The following TRAK2 variants were observed in gnomAD, a reference collection of about 807,000 sequenced individuals.
The protein encoded by TRAK2 is trafficking kinesin protein 2, also known as trafficking kinesin-binding protein 2.
Under a neutral mutation model 104.6 loss-of-function variants are expected in TRAK2, and 81 were observed. That is an observed-to-expected ratio of 0.77 (90% CI 0.65 to 0.93). The LOEUF (loss-of-function observed/expected upper bound fraction) is 0.93, where lower values mean the gene tolerates loss of function less well. TRAK2 is among the 40% of genes least tolerant of loss of function. The pLI, the probability that TRAK2 is intolerant of heterozygous loss-of-function variation, is 0.00. For synonymous variants in TRAK2, 406 were observed against 394.4 expected (o/e 1.03, Z -0.35); for missense variants, 1,002 against 1,089.0 (o/e 0.92, Z 1.12).
intron 3 of TRAK2, among the ~76,000 whole-genome samples, chr2:201,403,922 T>C (rs879660740): frequency 1.1e-4 from 16 of 152,312 alleles, no homozygotes; most frequent in Non-Finnish European, 1.8e-4. Context: ...CCACAAAGGC[T>C]GGGCCTCTTC....
chr2:201,435,016 A>C (rs1951870931), intron 1 of TRAK2, among the ~76,000 whole-genome samples: 1 of 152,220 alleles, frequency 6.6e-6, no homozygotes, highest in Non-Finnish European at 1.5e-5. Context: ...AAACTCAAAC[A>C]GGTAGACTTC....
intron 10 of TRAK2, 80 bp downstream of exon 10, chr2:201,392,829 T>C: frequency 7.2e-7 from 1 of 1,396,958 alleles, no homozygotes; most frequent in Non-Finnish European, 9.7e-7. Context: ...TTTTATACCA[T>C]CATAAACCAT....
rs144048497 is a variant in TRAK2, at chr2:201,438,605, G to T, written c.-200+12745C>A. Among the ~76,000 whole-genome samples, 138 of 152,294 alleles carry T rather than the reference G, an allele frequency of 9.1e-4. No homozygotes were observed. In the Middle Eastern group the frequency reaches 0.014, roughly 15 times the overall value. On this transcript the variant is annotated intron_variant, in intron 1 of 15. Transcript: ENST00000332624. ...TCTGAGCTTTACTAGCAAGGGACTG[G>T]AGTGTGAGGATAGTAGTGTGTGTGT...
At position 201,389,402 on chromosome 2, in the gene TRAK2, C is replaced by T. The variant is rs140348802; in HGVS notation, c.1295G>A (p.Arg432His). 47 of 1,614,118 alleles carry T rather than the reference C, an allele frequency of 2.9e-5. No individual in the cohort carries two copies. The African/African-American group carries it at 4.1e-4, about 14-fold the overall frequency. Reference protein sequence around the residue: ...PALLPIPGSNRSSVIMTAKPF... With the variant: ...PALLPIPGSNHSSVIMTAKPF... ...TTTTGCTGTCATGATGACACTTGAACGGTTGGAGCCTGGAATGGGTAACAG... is the reference window on the plus strand; with the variant it reads ...TTTTGCTGTCATGATGACACTTGAATGGTTGGAGCCTGGAATGGGTAACAG... Residue 432 changes from arginine to histidine, a missense_variant, in exon 12 of 16, where the codon CGT (arginine) becomes CAT (histidine). By Grantham distance (29) the Arg-to-His change is conservative (BLOSUM62 0). Coordinates refer to ENST00000332624, the MANE Select transcript of TRAK2 (RefSeq NM_015049.3).
intron 2 of TRAK2, chr2:201,412,571 CACTG>C: frequency 7.4e-7 from 1 of 1,358,134 alleles, no homozygotes; most frequent in East Asian, 2.3e-5. Flanking sequence ...GAATATATAT[CACTG>C]ACTGTTTCAC....
At chr2:201,416,153 C>G (rs1951690041) in intron 2 of TRAK2, among the ~76,000 whole-genome samples, 1 of 139,800 alleles carries the variant, frequency 7.2e-6, no homozygotes, top group Non-Finnish European at 1.5e-5. Flanking sequence ...TTTGGGAGGT[C>G]AAGGTGAAAG....
intron 12 of TRAK2, among the ~76,000 whole-genome samples, chr2:201,388,315 C>T (rs570426395): frequency 2.6e-5 from 4 of 151,896 alleles, no homozygotes; most frequent in South Asian, 2.1e-4. Context: ...TAGGTGGTCA[C>T]GAAAGTAAAT....
intron 1 of TRAK2, among the ~76,000 whole-genome samples, chr2:201,432,500 G>T (rs1389473416): frequency 6.6e-6 from 1 of 152,086 alleles, no homozygotes; most frequent in African/African-American, 2.4e-5. Context: ...TGCACATTAA[G>T]AAGAAGAAAA....
intron 2 of TRAK2, chr2:201,411,696 A>G: frequency 1.3e-6 from 1 of 780,224 alleles, no homozygotes; most frequent in South Asian, 1.3e-5. Context: ...AATACCCATG[A>G]GGACTGCAGA....
Position 201,386,113 on chromosome 2 carries a change from T to C in TRAK2, c.1963+105A>G, listed in dbSNP as rs930952274. The C allele has an allele frequency of 3.2e-6, 4 of 1,237,460 alleles. No homozygotes were observed. In the Admixed American group the frequency reaches 6.0e-5, roughly 19 times the overall value. The allele number at this position is 1,237,460 out of a possible 1,614,324, so 76.7% of individuals were successfully genotyped here. A position where few individuals can be genotyped will look rare whatever the true frequency, so the allele number is the denominator to read the frequency against. ...GATTTTCATTATCTGATATGCAAGATTAAGTACCCTCCAGTGAGCAGAGGT... is the reference window on the plus strand; with the variant it reads ...GATTTTCATTATCTGATATGCAAGACTAAGTACCCTCCAGTGAGCAGAGGT... On this transcript the variant is annotated intron_variant, in intron 14 of 15. Transcript: ENST00000332624.
At chr2:201,412,604 A>T in intron 2 of TRAK2, 1 of 1,517,090 alleles carries the variant, frequency 6.6e-7, no homozygotes, top group African/African-American at 1.4e-5. Flanking sequence ...TAAAGTATGT[A>T]TTCAGGAGGC....
Position 201,420,683 on chromosome 2 carries a change from T to C in TRAK2, c.-176A>G. The C allele has an allele frequency of 1.7e-6, 1 of 572,282 alleles. No individual in the cohort carries two copies. The highest frequency in any genetic ancestry group is 3.1e-6 in the Non-Finnish European group (1 of 318,774). 35.5% of individuals were successfully genotyped at this position (572,282 alleles called of 1,614,324 possible). A position where few individuals can be genotyped will look rare whatever the true frequency, so the allele number is the denominator to read the frequency against. Reference sequence around the variant, plus strand: ...GTAGCAACGAGCACTCTCATGTGATTATCATACTTTGGACAGTCATGACCT... The same window carrying C: ...GTAGCAACGAGCACTCTCATGTGATCATCATACTTTGGACAGTCATGACCT... On this transcript the variant is annotated 5_prime_UTR_variant, in exon 2 of 16. The change creates a new upstream start codon in the 5' untranslated region. Transcript: ENST00000332624.
chr2:201,399,208 C>G (rs151018316), intron 5 of TRAK2, among the ~76,000 whole-genome samples, 169 bp downstream of exon 5: 1 of 152,090 alleles, frequency 6.6e-6, no homozygotes, highest in South Asian at 2.1e-4. Context: ...CTCCTCTGTA[C>G]AATTAACATT....
intron 1 of TRAK2, among the ~76,000 whole-genome samples, chr2:201,426,327 C>T (rs1951788645): frequency 2.0e-5 from 3 of 152,218 alleles, no homozygotes. Context: ...GATGGTCTGT[C>T]ACTCTCTCCC....
rs765998622 is a variant in TRAK2, at chr2:201,394,820, G to C, written c.953C>G (p.Ala318Gly). 3.7e-6 allele frequency: 6 copies of C among 1,613,810 alleles called. No individual in the cohort carries two copies. Among genetic ancestry groups the C allele is most frequent in the Admixed American group, 1.7e-5 (1 of 60,004 alleles). ...TACCTCCATTGTCAGTTGCCGTTGG[G>C]CATCTTTGGAAGCTTGCAGGTGAAG... ...LKLHLQASKD[A>G]QRQLTMELHE... The change falls in exon 9 of 16, where the codon GCC (alanine) becomes GGC (glycine). Residue 318 changes from alanine to glycine, a missense_variant. Ala to Gly is a moderately conservative substitution (Grantham distance 60). Transcript: ENST00000332624.
In TRAK2 at chr2:201,399,392, T is replaced by C. The variant is rs920385911; in HGVS notation, c.465A>G (p.Gly155=). 3 of 1,609,378 alleles carry C rather than the reference T, an allele frequency of 1.9e-6. No homozygotes were observed. In the African/African-American group the frequency reaches 4.0e-5, roughly 22 times the overall value. ...AAAGGCTTACTTGATCAAAGGCTTG[T>C]CCCAATTGCTCCTCCAGGGATTCGT... is the stretch of plus-strand genomic sequence containing the variant. ...EQNESLEEQL[G]QAFDQVNQLQ... is the part of the protein sequence containing the mutation. Residue 155 remains glycine, a synonymous_variant, in exon 5 of 16, where the codon GGA becomes GGG. Coordinates refer to ENST00000332624, the MANE Select transcript of TRAK2 (RefSeq NM_015049.3).
At chr2:201,411,425 T>C (rs1951646262) in intron 2 of TRAK2, 1 of 745,314 alleles carries the variant, frequency 1.3e-6, no homozygotes, top group Non-Finnish European at 2.5e-6. Context: ...TATTTGTAAC[T>C]TTTGTCTCCT....
chr2:201,405,419 G>A (rs900201263), intron 3 of TRAK2, among the ~76,000 whole-genome samples: 3 of 152,182 alleles, frequency 2.0e-5, no homozygotes, highest in Non-Finnish European at 4.4e-5. Flanking sequence ...GGTTGGCAAT[G>A]CTTTGTATCA....
chr2:201,413,440 G>T, intron 2 of TRAK2: 1 of 455,268 alleles, frequency 2.2e-6, no homozygotes, highest in Non-Finnish European at 3.9e-6. Context: ...AGCTGGAGGA[G>T]GGAAAGGGAT....
Sources: allele counts gnomAD v4.1 joint callset (sites outside exome capture counted in the v4.1 genomes callset), GRCh38; gene constraint gnomAD v4.1.1; transcripts MANE v1.5; gene names NCBI Gene and HGNC (gene_info 2026-07-23, HGNC 2026-07-21).